TMEFF1: variants seen among roughly 807,000 people sequenced by gnomAD.
TMEFF1 encodes the protein tomoregulin-1.
TMEFF1 carries 20 observed loss-of-function variants against 47.5 expected under a neutral mutation model. The observed-to-expected ratio is 0.42, with a 90% CI of 0.30 to 0.61. TMEFF1 has a LOEUF of 0.61. Ranked by LOEUF, TMEFF1 falls within the 20% of genes least tolerant of loss-of-function variation. The probability of loss-of-function intolerance (pLI) is 0.19; values close to 1 mark genes in which losing one functional copy is unlikely to be tolerated. For synonymous variants in TMEFF1, 162 were observed against 166.3 expected, an observed-to-expected ratio of 0.97 and a Z score of 0.20; for missense variants, 411 against 471.1, an observed-to-expected ratio of 0.87 and a Z score of 1.18.
At chr9:100,531,564 A>ACC (rs1451336573) in intron 5 of TMEFF1, among the ~76,000 whole-genome samples, 3 of 152,138 alleles carry the variant, frequency 2.0e-5, no homozygotes, top group Admixed American at 2.0e-4. Context: ...AGAACTACAA[A>ACC]CCACTGCTCA....
At chr9:100,543,704 A>AC (rs1838677051) in intron 5 of TMEFF1, among the ~76,000 whole-genome samples, 1 of 138,824 alleles carries the variant, frequency 7.2e-6, no homozygotes, top group Non-Finnish European at 1.6e-5. Flanking sequence ...GATGAAGTAA[A>AC]ACACACACAC....
rs530844810 is a variant in TMEFF1, at chr9:100,544,584, C to CAT, written c.561-3157_561-3156dup. 6.0e-4 allele frequency among the ~76,000 whole-genome samples: 91 copies of CAT among 152,256 alleles called. 1 individual carries two copies. In the South Asian group the frequency reaches 0.014, roughly 24 times the overall value. On this transcript the variant is annotated intron_variant, in intron 5 of 9. Transcript: ENST00000374879. ...GATTTGGGTGGGGACACAGCCAAAC[C>CAT]ATATCATTCCCCTGCTTGCCCCTCC...
chr9:100,498,867 A>C lies in TMEFF1; in HGVS notation c.299A>C (p.Gln100Pro), dbSNP rs901642283. ...EDGDGLKCAC[Q>P]FQCHTNYIPV... is the part of the protein sequence containing the mutation. The stretch of plus-strand genomic sequence containing the variant: ...GGAGATGGTTTGAAATGTGCATGCC[A>C]ATTTCAGGTGAGGAAACCCAGCCTA... The change falls in exon 2 of 10, where the codon CAA becomes CCA. Residue 100 changes from glutamine (Q) to proline (P), a missense_variant. Gln to Pro is a moderately conservative substitution (Grantham distance 76, BLOSUM62 -1). Coordinates refer to ENST00000374879, the MANE Select transcript of TMEFF1 (RefSeq NM_003692.5). 6 of 1,611,522 alleles carry C rather than the reference A, an allele frequency of 3.7e-6. No homozygotes were observed. Among genetic ancestry groups the C allele is most frequent in the Non-Finnish European group, 5.1e-6 (6 of 1,179,322 alleles).
intron 4 of TMEFF1, among the ~76,000 whole-genome samples, chr9:100,516,225 A>G (rs1302146578): frequency 6.6e-6 from 1 of 152,164 alleles, no homozygotes; most frequent in Non-Finnish European, 1.5e-5. Context: ...AAAGACAAGT[A>G]TGAAACTGAT....
intron 5 of TMEFF1, among the ~76,000 whole-genome samples, chr9:100,545,221 T>C (rs1047084278): frequency 6.6e-6 from 1 of 152,140 alleles, no homozygotes; most frequent in African/African-American, 2.4e-5. Context: ...CTAGCAGAGG[T>C]TCTCCATGAG....
intron 5 of TMEFF1, among the ~76,000 whole-genome samples, chr9:100,525,656 C>G (rs1010925046): frequency 8.5e-5 from 13 of 152,206 alleles, no homozygotes; most frequent in African/African-American, 3.1e-4. Context: ...AACATCCAAC[C>G]CCTGTCCCCT....
At chr9:100,516,934 A>G (rs2118389970) in intron 5 of TMEFF1, among the ~76,000 whole-genome samples, 163 bp downstream of exon 5, 1 of 152,234 alleles carries the variant, frequency 6.6e-6, no homozygotes, top group East Asian at 1.9e-4. Flanking sequence ...ATATAATACT[A>G]TGGCTATTTA....
chr9:100,576,042 G>T (rs1355668675), intron 9 of TMEFF1, among the ~76,000 whole-genome samples: 2 of 152,126 alleles, frequency 1.3e-5, no homozygotes, highest in African/African-American at 2.4e-5. Context: ...CATAGCTGAG[G>T]TTAATAAGCA....
chr9:100,495,751 C>G (rs563926019), intron 1 of TMEFF1, among the ~76,000 whole-genome samples: 89 of 152,016 alleles, frequency 5.9e-4, no homozygotes, highest in Non-Finnish European at 1.1e-3. Flanking sequence ...GACTTTTACC[C>G]TTACCTATTA....
intron 7 of TMEFF1, among the ~76,000 whole-genome samples, chr9:100,551,341 T>A (rs1030632162): frequency 3.9e-5 from 6 of 152,246 alleles, no homozygotes; most frequent in Admixed American, 3.9e-4. Context: ...CTTCTCTTAC[T>A]TGAATCATAT....
At chr9:100,574,619 C>G (rs185702177) in intron 9 of TMEFF1, among the ~76,000 whole-genome samples, 1 of 152,192 alleles carries the variant, frequency 6.6e-6, no homozygotes, top group African/African-American at 2.4e-5. Context: ...TCAAGTGATC[C>G]ACCTGCCTCG....
At chr9:100,534,484 T>C (rs527339099) in intron 5 of TMEFF1, among the ~76,000 whole-genome samples, 131 of 152,350 alleles carry the variant, frequency 8.6e-4, no homozygotes, top group African/African-American at 3.0e-3. Context: ...TGCACGCTTC[T>C]GTGCTTTGGG....
At chr9:100,551,960 C>T (rs768047276) in intron 7 of TMEFF1, among the ~76,000 whole-genome samples, 5 of 151,962 alleles carry the variant, frequency 3.3e-5, no homozygotes, top group East Asian at 1.9e-4. Flanking sequence ...CCATGAAGGA[C>T]GAACAGGAGT....
Position 100,473,623 on chromosome 9 carries a change from C to T in TMEFF1, c.79C>T (p.Leu27Phe). Reference sequence around the variant, plus strand: ...CGCCTTCTGCTGCTACACGTCGGTGCTTCTGCTCTTCGCCTTCTCTCTGCC... The same window carrying T: ...CGCCTTCTGCTGCTACACGTCGGTGTTTCTGCTCTTCGCCTTCTCTCTGCC... ...PLAFCCYTSV[L>F]LLFAFSLPGS... The change falls in exon 1 of 10, where the codon CTT becomes TTT. Residue 27 changes from leucine to phenylalanine, a missense_variant. Coordinates refer to ENST00000374879, the MANE Select transcript of TMEFF1 (RefSeq NM_003692.5). This position sits in a 1 kb window ranked among gnomAD's most constrained non-coding sequence, Gnocchi z 5.4. 1 of 1,559,902 alleles carries T rather than the reference C, an allele frequency of 6.4e-7. No individual in the cohort carries two copies. Among genetic ancestry groups the T allele is most frequent in the Non-Finnish European group, 8.7e-7 (1 of 1,153,258 alleles).
At chr9:100,495,037 GT>G (rs1003511049) in intron 1 of TMEFF1, among the ~76,000 whole-genome samples, 13 of 151,546 alleles carry the variant, frequency 8.6e-5, no homozygotes, top group African/African-American at 3.2e-4. Context: ...AAAATGAGAA[GT>G]TTTTTTTGTT....
intron 8 of TMEFF1, among the ~76,000 whole-genome samples, chr9:100,564,061 G>T (rs1386610652): frequency 6.6e-6 from 1 of 151,962 alleles, no homozygotes. Context: ...TAGCATTATG[G>T]TACCACTGAT....
chr9:100,543,171 G>A (rs770110689), intron 5 of TMEFF1, among the ~76,000 whole-genome samples: 1 of 151,934 alleles, frequency 6.6e-6, no homozygotes, highest in Non-Finnish European at 1.5e-5. Flanking sequence ...CAGGTGATTC[G>A]CCCACCTTGG....
At chr9:100,482,665 C>T (rs769843279) in intron 1 of TMEFF1, among the ~76,000 whole-genome samples, 1 of 152,198 alleles carries the variant, frequency 6.6e-6, no homozygotes, top group Non-Finnish European at 1.5e-5. Flanking sequence ...GGATCTTCTG[C>T]TAGAGATGGT....
At chr9:100,505,518 A>G (rs942663590) in intron 2 of TMEFF1, among the ~76,000 whole-genome samples, 4 of 151,974 alleles carry the variant, frequency 2.6e-5, no homozygotes, top group Non-Finnish European at 4.4e-5. Flanking sequence ...ATAAAAACCA[A>G]TATTAGGATA....
Sources: gnomAD v4.1 joint callset for allele counts (sites outside exome capture counted in the v4.1 genomes callset) on GRCh38, gnomAD v4.1.1 for gene constraint, Gnocchi (gnomAD v3.1) non-coding constraint, MANE v1.5 for transcripts, NCBI Gene and HGNC (gene_info 2026-07-23, HGNC 2026-07-21) for gene names.